HPD: variants seen among roughly 807,000 people sequenced by gnomAD.
HPD encodes 4-hydroxyphenylpyruvic acid oxidase.
HPD carries 35 observed loss-of-function variants against 56.9 expected under a neutral mutation model. That is an observed-to-expected ratio of 0.62 (90% CI 0.47 to 0.82). HPD has a LOEUF of 0.82. Among genes scored for constraint, HPD ranks in the 40% least tolerant of loss-of-function variants. HPD has a pLI of 0.00. For synonymous variants in HPD, 186 were observed against 200.2 expected (o/e 0.93, Z 0.60); for missense variants, 442 against 506.8 (o/e 0.87, Z 1.23).
chr12:121,867,916 C>G (rs1381055826), upstream of HPD, among the ~76,000 whole-genome samples: 1 of 152,172 alleles, frequency 6.6e-6, no homozygotes, highest in East Asian at 1.9e-4. Flanking sequence ...GAAATTCTCC[C>G]ACCTTGGCCT....
chr12:121,874,922 C>T, the HPD span, among the ~76,000 whole-genome samples: 3 of 151,978 alleles, frequency 2.0e-5, no homozygotes, highest in East Asian at 1.9e-4. Flanking sequence ...CCACCACATC[C>T]GGCTAATTTT....
chr12:121,844,430 G>C (rs1877508399), intron 11 of HPD, among the ~76,000 whole-genome samples: 1 of 151,954 alleles, frequency 6.6e-6, no homozygotes, highest in Non-Finnish European at 1.5e-5. Flanking sequence ...TTCATAGCTG[G>C]GGAAACTGAG....
In HPD at chr12:121,845,288, G is replaced by T. The variant is rs967208332; in HGVS notation, c.832-1456C>A. Among the ~76,000 whole-genome samples, 3 of 148,770 alleles carry T rather than the reference G, an allele frequency of 2.0e-5. No individual in the cohort carries two copies. In the East Asian group the frequency reaches 5.8e-4, roughly 29 times the overall value. ...CACCACCACACCTGGCTAATTTTTTGATTTTTTTGTAAAGATGAGGTCTTA... is the reference window on the plus strand; with the variant it reads ...CACCACCACACCTGGCTAATTTTTTTATTTTTTTGTAAAGATGAGGTCTTA... On this transcript the variant is annotated intron_variant, in intron 11 of 13. Transcript: ENST00000289004.
intron 6 of HPD, among the ~76,000 whole-genome samples, chr12:121,855,702 G>A (rs1324236699): frequency 6.6e-6 from 1 of 150,384 alleles, no homozygotes; most frequent in Non-Finnish European, 1.5e-5. Context: ...GGGCAACAGA[G>A]CAAGACTCTG....
intron 12 of HPD, among the ~76,000 whole-genome samples, chr12:121,841,550 A>G (rs1877407551): frequency 6.6e-6 from 1 of 152,188 alleles, no homozygotes; most frequent in South Asian, 2.1e-4. Context: ...TAGATAAACA[A>G]TGTGTGTCTA....
chr12:121,846,097 C>T (rs2137614731), intron 11 of HPD, among the ~76,000 whole-genome samples: 1 of 152,276 alleles, frequency 6.6e-6, no homozygotes, highest in African/African-American at 2.4e-5. Flanking sequence ...GACAGGGTCC[C>T]ACTGTTTTCC....
chr12:121,864,855 A>AAACAAC (rs149108918), upstream of HPD, among the ~76,000 whole-genome samples: 1 of 150,546 alleles, frequency 6.6e-6, no homozygotes, highest in Non-Finnish European at 1.5e-5. Context: ...TCCGTCTCAA[A>AAACAAC]AACAACAACA....
At chr12:121,881,709 C>T in the HPD span, among the ~76,000 whole-genome samples, 2 of 151,232 alleles carry the variant, frequency 1.3e-5, no homozygotes, top group South Asian at 2.1e-4. Flanking sequence ...TGCAGTGGTG[C>T]GATCTTGGCT....
chr12:121,873,388 T>C, the HPD span, among the ~76,000 whole-genome samples: 3 of 152,140 alleles, frequency 2.0e-5, no homozygotes, highest in African/African-American at 4.8e-5. Context: ...TTCAGCCCAA[T>C]GGGGGTGACT....
upstream of HPD, among the ~76,000 whole-genome samples, chr12:121,862,813 TG>T (rs1432439806): frequency 1.3e-5 from 2 of 148,440 alleles, no homozygotes; most frequent in East Asian, 2.0e-4. Context: ...CCGGAGTAGC[TG>T]GGAATACAGG....
upstream of HPD, among the ~76,000 whole-genome samples, chr12:121,866,162 A>G (rs1326024107): frequency 6.6e-6 from 1 of 151,252 alleles, no homozygotes; most frequent in Non-Finnish European, 1.5e-5. Flanking sequence ...TTAGCCAGGC[A>G]TGGTGGCAGG....
chr12:121,839,868 A>G, intron 13 of HPD, 30 bp from the exon 14 acceptor site: 1 of 1,610,842 alleles, frequency 6.2e-7, no homozygotes, highest in Non-Finnish European at 8.5e-7. Flanking sequence ...AGATGAGCCA[A>G]GGACCCAGAA....
chr12:121,873,802 A>G, the HPD span, among the ~76,000 whole-genome samples: 1 of 136,090 alleles, frequency 7.3e-6, no homozygotes, highest in Admixed American at 7.7e-5. Flanking sequence ...CCTGGGAGAC[A>G]GAGACTCCGT....
At chr12:121,879,511 T>C in the HPD span, among the ~76,000 whole-genome samples, 5 of 151,346 alleles carry the variant, frequency 3.3e-5, no homozygotes, top group South Asian at 2.1e-4. Flanking sequence ...TCTTTTTTCT[T>C]TTCTTTTCTT....
In HPD at chr12:121,849,784, C is replaced by T. The variant is rs1039979609; in HGVS notation, c.421G>A (p.Asp141Asn). ...VKFAVLQTYGDTTHTLVEKMN... is the reference protein window; with the variant it reads ...VKFAVLQTYGNTTHTLVEKMN... ...TTCTCCACCAGGGTGTGTGTGGTGT[C>T]CCCATACTACGGGTGGAAAACAGCC... The change falls in exon 8 of 14, where the codon GAC (aspartate) becomes AAC (asparagine). Residue 141 changes from aspartate (D) to asparagine (N), a missense_variant. Asp to Asn is a conservative substitution (Grantham distance 23). Transcript: ENST00000289004. The T allele has an allele frequency of 1.9e-6, 3 of 1,611,424 alleles. No homozygotes were observed. The highest frequency in any genetic ancestry group is 1.1e-5 in the South Asian group (1 of 90,996).
chr12:121,848,958 A>G (rs1470740058), intron 9 of HPD, 41 bp downstream of exon 9: 2 of 1,447,616 alleles, frequency 1.4e-6, no homozygotes, highest in Non-Finnish European at 1.9e-6. Flanking sequence ...CACCGTGAGG[A>G]CCCGTCATCT....
At chr12:121,858,610 C>T in intron 2 of HPD, 77 bp downstream of exon 2, 1 of 1,392,108 alleles carries the variant, frequency 7.2e-7, no homozygotes, top group Non-Finnish European at 1.0e-6. Flanking sequence ...CTGCTCTCTG[C>T]TGAAACCCCA....
intron 4 of HPD, 146 bp downstream of exon 4, chr12:121,857,182 C>T (rs940016109): frequency 2.2e-5 from 14 of 649,428 alleles, no homozygotes; most frequent in Admixed American, 6.5e-5. Context: ...CGGGTTCAAG[C>T]GATGTGCCTG....
chr12:121,867,499 C>T (rs1441892074), upstream of HPD, among the ~76,000 whole-genome samples: 2 of 151,886 alleles, frequency 1.3e-5, no homozygotes, highest in African/African-American at 2.4e-5. Flanking sequence ...ACTACAGGCA[C>T]ACACCAACAT....
Sources: allele counts gnomAD v4.1 joint callset (sites outside exome capture counted in the v4.1 genomes callset), GRCh38; gene constraint gnomAD v4.1.1; transcripts MANE v1.5; gene names NCBI Gene and HGNC (gene_info 2026-07-23, HGNC 2026-07-21).